MYO5A: variants seen among roughly 807,000 people sequenced by gnomAD.
The protein encoded by MYO5A is unconventional myosin-Va.
MYO5A carries 98 observed loss-of-function variants against 249.7 expected under a neutral mutation model. The ratio of observed to expected loss-of-function variants is 0.39; its 90% CI spans 0.33 to 0.46. The LOEUF is 0.46. Ranked by LOEUF, MYO5A falls within the 20% of genes least tolerant of loss-of-function variation. The pLI is 0.98. For missense variants in MYO5A, 1,696 were observed against 2,308.8 expected (o/e 0.73, Z 5.44); for synonymous variants, 778 against 810.6 (o/e 0.96, Z 0.68).
chr15:52,415,151 C>T (rs2043420293), intron 5 of MYO5A, among the ~76,000 whole-genome samples: 1 of 152,154 alleles, frequency 6.6e-6, no homozygotes, highest in Non-Finnish European at 1.5e-5. Flanking sequence ...ACTTGTACCA[C>T]AGGTGCACCA....
chr15:52,392,495 A>G lies in MYO5A; in HGVS notation c.1402-425T>C, dbSNP rs79978761. Among the ~76,000 whole-genome samples, 1,256 of 152,338 alleles carry G rather than the reference A, an allele frequency of 8.2e-3. 16 individuals are homozygous for G. The highest frequency in any genetic ancestry group is 0.027 in the African/African-American group (1,140 of 41,578). ...CTGGGCAATGCTTTCAGCATAACAA[A>G]GTACTTCTCCTAAGGGACTGTGGTG... On this transcript the variant is annotated intron_variant, in intron 11 of 41. Coordinates refer to ENST00000399233, the MANE Select transcript of MYO5A (RefSeq NM_001382347.1).
intron 11 of MYO5A, among the ~76,000 whole-genome samples, chr15:52,394,870 T>C (rs2042417194): frequency 6.6e-6 from 1 of 152,272 alleles, no homozygotes; most frequent in African/African-American, 2.4e-5. Context: ...GATAAGTTTT[T>C]ATTAATGTTC....
At chr15:52,318,351 G>A (rs1034196509) in intron 39 of MYO5A, among the ~76,000 whole-genome samples, 19 of 150,884 alleles carry the variant, frequency 1.3e-4, no homozygotes, top group Non-Finnish European at 2.2e-4. Flanking sequence ...AGCTACTTGG[G>A]AGGCTGAGGC....
chr15:52,507,796 C>T (rs1174652864), intron 1 of MYO5A, among the ~76,000 whole-genome samples: 1 of 95,102 alleles, frequency 1.1e-5, no homozygotes, highest in Admixed American at 9.8e-5. Flanking sequence ...AGAATGAGAC[C>T]CTGTCCCCAA....
chr15:52,498,490 A>T (rs970117907), intron 1 of MYO5A, among the ~76,000 whole-genome samples: 2 of 152,168 alleles, frequency 1.3e-5, no homozygotes, highest in Non-Finnish European at 2.9e-5. Flanking sequence ...GTGTGATTTT[A>T]AAAAATATTT....
intron 4 of MYO5A, among the ~76,000 whole-genome samples, chr15:52,423,147 G>A (rs1437103750): frequency 6.6e-6 from 1 of 152,156 alleles, no homozygotes; most frequent in African/African-American, 2.4e-5. Flanking sequence ...TCTATTACAT[G>A]AATGATGAAT....
chr15:52,426,210 T>C (rs2075390905), intron 3 of MYO5A, among the ~76,000 whole-genome samples: 1 of 152,214 alleles, frequency 6.6e-6, no homozygotes, highest in Non-Finnish European at 1.5e-5. Context: ...CTTAAAATAA[T>C]GTGGCAATGT....
At chr15:52,485,259 T>TAAAAAA (rs72085613) in intron 1 of MYO5A, among the ~76,000 whole-genome samples, 13 of 102,760 alleles carry the variant, frequency 1.3e-4, no homozygotes, top group African/African-American at 1.8e-4. Context: ...ATTCACTATG[T>TAAAAAA]AAAAAAAAAA....
chr15:52,448,020 T>C (rs760167185), intron 1 of MYO5A, among the ~76,000 whole-genome samples: 1 of 152,186 alleles, frequency 6.6e-6, no homozygotes, highest in Non-Finnish European at 1.5e-5. Flanking sequence ...GGGCACTGCC[T>C]AGTGGAGCTG....
intron 34 of MYO5A, among the ~76,000 whole-genome samples, chr15:52,335,469 T>C (rs1035861214): frequency 5.6e-5 from 8 of 142,032 alleles, no homozygotes; most frequent in Non-Finnish European, 7.5e-5. Context: ...TGAGCCGAGA[T>C]TGCACCACTG....
At position 52,470,591 on chromosome 15, in the gene MYO5A, G is replaced by C. The variant is rs144151951; in HGVS notation, c.28-37306C>G. ...CTTGAACCTGGGAGGTGGAGGTTGTGGTGAGCCAAGATCGCACCATTGCAC... is the reference window on the plus strand; with the variant it reads ...CTTGAACCTGGGAGGTGGAGGTTGTCGTGAGCCAAGATCGCACCATTGCAC... On this transcript the variant is annotated intron_variant, in intron 1 of 41. Transcript: ENST00000399233. Among the ~76,000 whole-genome samples, 490 of 151,810 alleles carry C rather than the reference G, an allele frequency of 3.2e-3. 2 individuals carry two copies. The highest frequency in any genetic ancestry group is 5.4e-3 in the Non-Finnish European group (368 of 67,898).
intron 4 of MYO5A, among the ~76,000 whole-genome samples, chr15:52,424,642 G>A (rs1326195029): frequency 3.3e-5 from 5 of 152,042 alleles, no homozygotes; most frequent in African/African-American, 1.2e-4. Context: ...TACTCTCCCT[G>A]GCTGGAGAGG....
At chr15:52,375,002 G>A (rs2041328905) in intron 20 of MYO5A, among the ~76,000 whole-genome samples, 1 of 152,134 alleles carries the variant, frequency 6.6e-6, no homozygotes, top group Non-Finnish European at 1.5e-5. Flanking sequence ...GGCTGGGCAT[G>A]TGCACAATGG....
chr15:52,416,046 A>G lies in MYO5A; in HGVS notation c.612+99T>C, dbSNP rs1490357465. On this transcript the variant is annotated intron_variant, in intron 5 of 41. Coordinates refer to ENST00000399233, the MANE Select transcript of MYO5A (RefSeq NM_001382347.1). ...GCATTTTCTTAATTTTAGTGGCTGG[A>G]GACCCCAGGCTTTCTGAGACATGCT... 174 of 1,366,910 alleles carry G rather than the reference A, an allele frequency of 1.3e-4. 1 individual carries two copies. The highest frequency in any genetic ancestry group is 2.6e-4 in the East Asian group (11 of 42,720). The allele number at this position is 1,366,910 out of a possible 1,614,324, so 84.7% of individuals were successfully genotyped here.
intron 34 of MYO5A, 119 bp from the exon 35 acceptor site, chr15:52,330,618 C>G: frequency 8.7e-7 from 1 of 1,148,688 alleles, no homozygotes; most frequent in Non-Finnish European, 1.3e-6. Flanking sequence ...ATATTTGCCA[C>G]TTAATTGCCT....
chr15:52,321,204 G>A (rs576191184), intron 38 of MYO5A, among the ~76,000 whole-genome samples, 155 bp downstream of exon 38: 5 of 152,306 alleles, frequency 3.3e-5, no homozygotes, highest in African/African-American at 2.4e-5. Flanking sequence ...CTATGGCTGG[G>A]TTTCTGGGAT....
intron 1 of MYO5A, among the ~76,000 whole-genome samples, chr15:52,514,873 C>T (rs1294872308): frequency 6.6e-6 from 1 of 152,186 alleles, no homozygotes; most frequent in African/African-American, 2.4e-5. Flanking sequence ...CAGGCAGTGG[C>T]ATGCTCAGAT....
Position 52,316,536 on chromosome 15 carries a change from C to T in MYO5A, c.5409+512G>A, listed in dbSNP as rs2899486. On this transcript the variant is annotated intron_variant, in intron 40 of 41. Transcript: ENST00000399233. ...GTCTTCCCTACTGAACTGTAAGCTCCTTGAAGGCAGGAATTTTTCCTTATT... is the reference window on the plus strand; with the variant it reads ...GTCTTCCCTACTGAACTGTAAGCTCTTTGAAGGCAGGAATTTTTCCTTATT... 6.6e-5 allele frequency among the ~76,000 whole-genome samples: 10 copies of T among 152,308 alleles called. No homozygotes were observed. The East Asian group carries it at 1.9e-3, about 29-fold the overall frequency.
chr15:52,356,813 TTTTTTA>T (rs1482722484), intron 25 of MYO5A, among the ~76,000 whole-genome samples: 1 of 125,760 alleles, frequency 8.0e-6, no homozygotes, highest in East Asian at 2.1e-4. Flanking sequence ...TTTTTTTTTT[TTTTTTA>T]TTTTCAGGAA....
Sources: allele counts gnomAD v4.1 joint callset (sites outside exome capture counted in the v4.1 genomes callset), GRCh38; gene constraint gnomAD v4.1.1; transcripts MANE v1.5; gene names NCBI Gene and HGNC (gene_info 2026-07-23, HGNC 2026-07-21).